The following FRMD6 variants were observed in gnomAD, a reference collection of about 807,000 sequenced individuals.
The protein encoded by FRMD6 is FERM domain-containing protein 6.
In FRMD6, 37 loss-of-function variants were observed where a neutral mutation model predicts 73.2. The ratio of observed to expected loss-of-function variants is 0.51; its 90% CI spans 0.39 to 0.66. The LOEUF is 0.66. Ranked by LOEUF, FRMD6 falls within the 30% of genes least tolerant of loss-of-function variation. FRMD6 has a pLI of 0.00. For synonymous variants in FRMD6, 273 were observed against 282.2 expected (o/e 0.97, Z 0.33); for missense variants, 714 against 780.5 (o/e 0.91, Z 1.02).
chr14:51,499,461 G>C (rs565970625), intron 1 of FRMD6, among the ~76,000 whole-genome samples: 10 of 152,328 alleles, frequency 6.6e-5, no homozygotes, highest in African/African-American at 2.4e-4. Flanking sequence ...TTGTATAAAA[G>C]CTTCAACTAC....
intron 1 of FRMD6, among the ~76,000 whole-genome samples, chr14:51,682,243 T>G (rs1218647289): frequency 6.6e-6 from 1 of 152,192 alleles, no homozygotes; most frequent in Non-Finnish European, 1.5e-5. Flanking sequence ...CCCAACCACC[T>G]AAATTTTTCA....
chr14:51,541,441 T>C (rs1886196316), intron 1 of FRMD6, among the ~76,000 whole-genome samples: 1 of 152,108 alleles, frequency 6.6e-6, no homozygotes, highest in African/African-American at 2.4e-5. Context: ...TGGTAGAGCT[T>C]ATTATTTTCC....
chr14:51,564,634 A>G (rs1324174728), intron 1 of FRMD6, among the ~76,000 whole-genome samples: 1 of 152,184 alleles, frequency 6.6e-6, no homozygotes, highest in Non-Finnish European at 1.5e-5. Context: ...TCCTCTTCTG[A>G]AAAGCAGCAC....
intron 1 of FRMD6, among the ~76,000 whole-genome samples, chr14:51,657,949 C>T (rs370489910): frequency 1.2e-4 from 18 of 152,182 alleles, no homozygotes; most frequent in East Asian, 5.8e-4. Flanking sequence ...AGTCTCACAG[C>T]TGATGACAGC....
chr14:51,418,807 C>T, the FRMD6 span, among the ~76,000 whole-genome samples: 2 of 152,352 alleles, frequency 1.3e-5, no homozygotes, highest in East Asian at 3.9e-4. Flanking sequence ...AGGCAGCTGG[C>T]CTTGCTGAGC....
At chr14:51,400,464 C>T in the FRMD6 span, among the ~76,000 whole-genome samples, 2 of 152,128 alleles carry the variant, frequency 1.3e-5, no homozygotes, top group African/African-American at 4.8e-5. Flanking sequence ...ACTATTTTCT[C>T]CCCTAATATT....
intron 2 of FRMD6, among the ~76,000 whole-genome samples, chr14:51,616,248 C>T (rs1324682466): frequency 1.3e-5 from 2 of 152,218 alleles, no homozygotes; most frequent in South Asian, 4.1e-4. Context: ...CTCGGCTGTA[C>T]ACTTACCGGG....
the FRMD6 span, among the ~76,000 whole-genome samples, chr14:51,425,558 C>T: frequency 1.3e-5 from 2 of 152,176 alleles, no homozygotes; most frequent in African/African-American, 4.8e-5. Flanking sequence ...TTTTCCAGTT[C>T]TCATATTCTG....
chr14:51,639,444 A>T (rs575253943), intron 2 of FRMD6, among the ~76,000 whole-genome samples: 86 of 151,826 alleles, frequency 5.7e-4, no homozygotes, highest in African/African-American at 1.9e-3. Context: ...CAAAAAAAAA[A>T]AATAATTATT....
intron 1 of FRMD6, among the ~76,000 whole-genome samples, chr14:51,552,058 A>C (rs1288526252): frequency 6.6e-6 from 1 of 152,228 alleles, no homozygotes; most frequent in Non-Finnish European, 1.5e-5. Context: ...GTGTACAATG[A>C]ATAAATATTT....
intron 2 of FRMD6, among the ~76,000 whole-genome samples, chr14:51,586,628 CT>C (rs1188262836): frequency 2.6e-5 from 4 of 152,088 alleles, no homozygotes; most frequent in Non-Finnish European, 4.4e-5. Context: ...CTTTTGAGGA[CT>C]TGCTAAAAAA....
chr14:51,414,670 GT>G, the FRMD6 span, among the ~76,000 whole-genome samples: 2 of 152,240 alleles, frequency 1.3e-5, no homozygotes, highest in South Asian at 4.1e-4. Context: ...CTTTAAAGTA[GT>G]TTTTTTCCAA....
intron 1 of FRMD6, among the ~76,000 whole-genome samples, chr14:51,557,093 C>A (rs113586316): frequency 1.6e-4 from 25 of 152,036 alleles, no homozygotes; most frequent in Admixed American, 4.6e-4. Context: ...TGAGTTTAGC[C>A]TGGGCAACAT....
At chr14:51,460,199 T>C in the FRMD6 span, among the ~76,000 whole-genome samples, 1 of 152,172 alleles carries the variant, frequency 6.6e-6, no homozygotes, top group Non-Finnish European at 1.5e-5. Context: ...GGGCCTTGTA[T>C]TAGAAATACA....
chr14:51,408,656 T>C, the FRMD6 span, among the ~76,000 whole-genome samples: 2 of 152,166 alleles, frequency 1.3e-5, no homozygotes, highest in South Asian at 4.1e-4. Flanking sequence ...CTCCTGCTCA[T>C]ATTTTTGAGG....
chr14:51,471,275 G>A, the FRMD6 span, among the ~76,000 whole-genome samples: 1 of 152,130 alleles, frequency 6.6e-6, no homozygotes, highest in Non-Finnish European at 1.5e-5. Context: ...GGATCATGAG[G>A]TCAGGAGATC....
At position 51,600,750 on chromosome 14, in the gene FRMD6, G is replaced by A. The variant is rs190904934; in HGVS notation, c.-147+30340G>A. Among the ~76,000 whole-genome samples, 236 of 152,338 alleles carry A rather than the reference G, an allele frequency of 1.5e-3. 2 individuals are homozygous for A. Among genetic ancestry groups the A allele is most frequent in the South Asian group, 3.3e-3 (16 of 4,828 alleles). On this transcript the variant is annotated intron_variant, in intron 2 of 14. Coordinates refer to the FRMD6 transcript ENST00000356218. ...TCGCCTGGCAATATAAGAGAAAAAT[G>A]TTTTTAAAAGTACAGATTTTAATTA...
intron 1 of FRMD6, among the ~76,000 whole-genome samples, chr14:51,683,172 G>C (rs530418847): frequency 4.3e-4 from 65 of 152,310 alleles, no homozygotes; most frequent in African/African-American, 1.6e-3. Flanking sequence ...TAGCTCATTT[G>C]CTACATCTGG....
upstream of FRMD6, among the ~76,000 whole-genome samples, chr14:51,487,625 A>G (rs749618406): frequency 7.4e-4 from 112 of 152,268 alleles, 3 homozygotes; most frequent in Non-Finnish European, 1.6e-4. Flanking sequence ...TGCTTTGTAC[A>G]TTTCACCTTT....
Sources: gnomAD v4.1 joint callset for allele counts (sites outside exome capture counted in the v4.1 genomes callset) on GRCh38, gnomAD v4.1.1 for gene constraint, MANE v1.5 for transcripts, NCBI Gene and HGNC (gene_info 2026-07-23, HGNC 2026-07-21) for gene names.